Variants in EYS observed in about 807,000 individuals in gnomAD.
The protein encoded by EYS is protein eyes shut homolog.
A neutral mutation model predicts 282.1 loss-of-function variants in EYS; 250 were observed. The observed-to-expected ratio is 0.89, with a 90% CI of 0.80 to 0.98. The LOEUF (loss-of-function observed/expected upper bound fraction) is 0.98, where lower values mean the gene tolerates loss of function less well. Ranked by LOEUF, EYS falls within the 50% of genes least tolerant of loss-of-function variation. EYS has a pLI of 0.00. For missense variants in EYS, 4,016 were observed against 3,709.0 expected, an observed-to-expected ratio of 1.08 and a Z score of -2.15; for synonymous variants, 1,355 against 1,282.9, an observed-to-expected ratio of 1.06 and a Z score of -1.20.
intron 31 of EYS, among the ~76,000 whole-genome samples, chr6:64,155,706 C>G (rs1474539921): frequency 6.6e-6 from 1 of 152,058 alleles, no homozygotes; most frequent in African/African-American, 2.4e-5. Flanking sequence ...GTAAGGCGAA[C>G]GATGTTGTGT....
intron 22 of EYS, among the ~76,000 whole-genome samples, chr6:64,745,264 GA>G (rs1772516881): frequency 6.6e-6 from 1 of 152,090 alleles, no homozygotes; most frequent in Non-Finnish European, 1.5e-5. Flanking sequence ...AAGATGTTAA[GA>G]AAACCAGGAT....
intron 24 of EYS, among the ~76,000 whole-genome samples, chr6:64,600,750 G>C (rs1287415997): frequency 6.6e-6 from 1 of 152,052 alleles, no homozygotes; most frequent in South Asian, 2.1e-4. Context: ...TGATGTACTT[G>C]ATGGTCAGTA....
intron 5 of EYS, among the ~76,000 whole-genome samples, chr6:65,480,075 G>A (rs1477572889): frequency 6.6e-6 from 1 of 152,024 alleles, no homozygotes; most frequent in Non-Finnish European, 1.5e-5. Context: ...TGAGGCAGGA[G>A]AATCGCTTGA....
Position 63,759,467 on chromosome 6 carries a change from C to T in EYS, c.8071+2994G>A, listed in dbSNP as rs560213532. Among the ~76,000 whole-genome samples the T allele has an allele frequency of 5.9e-5, 9 of 152,146 alleles. No homozygotes were observed. The South Asian group carries it at 1.0e-3, about 18-fold the overall frequency. Reference sequence around the variant, plus strand: ...TATTATATACATTTCACTTTCTCTCCGAGTTTCACTTATAATTTAGCAGGT... The same window carrying T: ...TATTATATACATTTCACTTTCTCTCTGAGTTTCACTTATAATTTAGCAGGT... On this transcript the variant is annotated intron_variant, in intron 41 of 42. Transcript: ENST00000503581.
At chr6:64,330,702 C>A (rs758499245) in intron 29 of EYS, among the ~76,000 whole-genome samples, 2 of 152,152 alleles carry the variant, frequency 1.3e-5, no homozygotes, top group African/African-American at 2.4e-5. Context: ...CACATTTGGA[C>A]AAAGGTTAAT....
At chr6:64,513,007 A>C (rs903060135) in intron 26 of EYS, among the ~76,000 whole-genome samples, 4 of 151,840 alleles carry the variant, frequency 2.6e-5, no homozygotes, top group African/African-American at 9.7e-5. Flanking sequence ...GATTTTACTT[A>C]AAGGAAAAAA....
chr6:65,059,055 A>G (rs183593105), intron 12 of EYS, among the ~76,000 whole-genome samples: 2 of 152,248 alleles, frequency 1.3e-5, no homozygotes, highest in East Asian at 3.9e-4. Flanking sequence ...TGAAATATTT[A>G]GTGAATACCT....
intron 5 of EYS, among the ~76,000 whole-genome samples, chr6:65,447,228 G>T (rs1289777301): frequency 6.6e-6 from 1 of 150,454 alleles, no homozygotes; most frequent in African/African-American, 2.4e-5. Flanking sequence ...ATATTTGTGA[G>T]GGTAGGTACC....
chr6:65,475,756 GACAC>G (rs545961939), intron 5 of EYS, among the ~76,000 whole-genome samples: 4 of 145,898 alleles, frequency 2.7e-5, no homozygotes, highest in Non-Finnish European at 3.0e-5. Flanking sequence ...CAGACAGACA[GACAC>G]ACACACACAC....
At chr6:63,869,533 A>C (rs1032844182) in intron 35 of EYS, among the ~76,000 whole-genome samples, 3 of 152,188 alleles carry the variant, frequency 2.0e-5, no homozygotes, top group African/African-American at 7.2e-5. Context: ...AGTTCTTATG[A>C]AATGAAATTA....
At chr6:63,753,010 T>C (rs1769378646) in intron 41 of EYS, among the ~76,000 whole-genome samples, 1 of 151,636 alleles carries the variant, frequency 6.6e-6, no homozygotes, top group African/African-American at 2.4e-5. Context: ...TGTTTGGTCT[T>C]TTTTGATTTT....
intron 31 of EYS, among the ~76,000 whole-genome samples, chr6:64,177,299 G>A (rs2150310017): frequency 6.7e-6 from 1 of 150,322 alleles, no homozygotes; most frequent in South Asian, 2.1e-4. Context: ...CAGAAAGCAA[G>A]TTAATTTCTT....
intron 35 of EYS, among the ~76,000 whole-genome samples, chr6:63,965,868 G>A (rs1307549888): frequency 6.6e-6 from 1 of 152,148 alleles, no homozygotes; most frequent in East Asian, 1.9e-4. Context: ...CCAGTGAAAA[G>A]AATCATGGGC....
intron 12 of EYS, among the ~76,000 whole-genome samples, chr6:65,268,268 C>G (rs766216661): frequency 2.6e-5 from 4 of 151,864 alleles, no homozygotes; most frequent in Non-Finnish European, 4.4e-5. Flanking sequence ...TGATTTCCAC[C>G]TACCAAATTA....
intron 10 of EYS, among the ~76,000 whole-genome samples, chr6:65,342,315 C>A (rs1410806180): frequency 2.0e-5 from 3 of 150,814 alleles, no homozygotes; most frequent in Non-Finnish European, 4.5e-5. Flanking sequence ...TTGATATAAT[C>A]GAAATTTTAA....
chr6:65,593,153 A>G (rs1765292228), intron 2 of EYS, among the ~76,000 whole-genome samples: 1 of 152,032 alleles, frequency 6.6e-6, no homozygotes, highest in Non-Finnish European at 1.5e-5. Flanking sequence ...CACCTTATTA[A>G]GAAATTCTTA....
At chr6:65,291,880 T>A (rs1768536082) in intron 12 of EYS, among the ~76,000 whole-genome samples, 1 of 151,610 alleles carries the variant, frequency 6.6e-6, no homozygotes, top group African/African-American at 2.4e-5. Context: ...TATGTCAGAA[T>A]ATAGTGCAGA....
chr6:64,117,784 G>T (rs1021022382), intron 31 of EYS, among the ~76,000 whole-genome samples: 2 of 151,926 alleles, frequency 1.3e-5, no homozygotes, highest in South Asian at 4.1e-4. Flanking sequence ...AGATAACATA[G>T]TCTTATATAT....
intron 41 of EYS, among the ~76,000 whole-genome samples, chr6:63,749,270 A>G (rs999961604): frequency 1.3e-5 from 2 of 152,110 alleles, no homozygotes; most frequent in Admixed American, 6.6e-5. Flanking sequence ...CAGGATATTC[A>G]ATTTCCATGT....
Sources: gnomAD v4.1 joint callset for allele counts (sites outside exome capture counted in the v4.1 genomes callset) on GRCh38, gnomAD v4.1.1 for gene constraint, MANE v1.5 for transcripts, NCBI Gene and HGNC (gene_info 2026-07-23, HGNC 2026-07-21) for gene names.